Variants in ADAM22 observed in about 807,000 individuals in gnomAD.
ADAM22 encodes the protein ADAM metallopeptidase domain 22, also known as disintegrin and metalloproteinase domain-containing protein 22.
Under a neutral mutation model 144.6 loss-of-function variants are expected in ADAM22, and 65 were observed. The ratio of observed to expected loss-of-function variants is 0.45; its 90% CI spans 0.37 to 0.55. The LOEUF (loss-of-function observed/expected upper bound fraction) is 0.55. Among genes scored for constraint, ADAM22 ranks in the 20% least tolerant of loss-of-function variants. The probability of loss-of-function intolerance (pLI) is 0.00; values close to 1 mark genes in which losing one functional copy is unlikely to be tolerated. For missense variants in ADAM22, 974 were observed against 1,184.9 expected, an observed-to-expected ratio of 0.82 and a Z score of 2.61; for synonymous variants, 391 against 412.6, an observed-to-expected ratio of 0.95 and a Z score of 0.63.
chr7:87,995,259 G>A (rs1790881201), intron 3 of ADAM22, among the ~76,000 whole-genome samples: 1 of 152,194 alleles, frequency 6.6e-6, no homozygotes, highest in South Asian at 2.1e-4. Context: ...GAACACCGTT[G>A]ATTGCTGCTG....
chr7:88,166,049 A>G, intron 24 of ADAM22, 103 bp downstream of exon 24: 1 of 717,424 alleles, frequency 1.4e-6, no homozygotes, highest in East Asian at 3.0e-5. Context: ...TCAGAAATAC[A>G]TTCTCATAAT....
chr7:88,186,602 T>C lies in ADAM22; in HGVS notation c.2664-13T>C. 2 of 1,560,750 alleles carry C rather than the reference T, an allele frequency of 1.3e-6. No homozygotes were observed. Among genetic ancestry groups the C allele is most frequent in the Non-Finnish European group, 1.8e-6 (2 of 1,131,624 alleles). ...TGTTCTGCTTTCTTTGTTCCTTCCA[T>C]TGCTTTCTGCAGGTATTTAAACCCA... On this transcript the variant is annotated splice_polypyrimidine_tract_variant and intron_variant, in intron 29 of 31. Transcript: ENST00000413139.
chr7:87,982,783 C>T (rs557869923), intron 3 of ADAM22, among the ~76,000 whole-genome samples: 7 of 147,816 alleles, frequency 4.7e-5, no homozygotes, highest in Non-Finnish European at 7.4e-5. Context: ...CAATCTCTGC[C>T]TCCTGGGTTC....
intron 3 of ADAM22, among the ~76,000 whole-genome samples, chr7:87,989,584 C>G (rs770550235): frequency 7.9e-5 from 12 of 152,138 alleles, no homozygotes; most frequent in South Asian, 2.1e-4. Flanking sequence ...TTCTTTGCTA[C>G]TATTATTAAC....
At chr7:88,028,824 C>T (rs1329447546) in intron 3 of ADAM22, among the ~76,000 whole-genome samples, 1 of 151,992 alleles carries the variant, frequency 6.6e-6, no homozygotes, top group Admixed American at 6.6e-5. Flanking sequence ...TATAGCTACT[C>T]CTGCTCACTT....
chr7:88,178,270 AT>A (rs1365474281), intron 26 of ADAM22, among the ~76,000 whole-genome samples: 1 of 152,044 alleles, frequency 6.6e-6, no homozygotes, highest in Non-Finnish European at 1.5e-5. Flanking sequence ...AAATTCAGTT[AT>A]TTTTTTCAAC....
chr7:88,184,282 G>A, intron 29 of ADAM22: 1 of 395,496 alleles, frequency 2.5e-6, no homozygotes, highest in South Asian at 1.8e-5. Context: ...TATATATTGT[G>A]TTTTTACAGG....
At chr7:88,029,780 G>T (rs548484798) in intron 3 of ADAM22, among the ~76,000 whole-genome samples, 6 of 151,774 alleles carry the variant, frequency 4.0e-5, no homozygotes, top group Admixed American at 2.0e-4. Flanking sequence ...TTCTTTCAGA[G>T]TTTTAAATAT....
intron 24 of ADAM22, among the ~76,000 whole-genome samples, chr7:88,166,375 T>C (rs1842943592): frequency 6.6e-6 from 1 of 152,186 alleles, no homozygotes; most frequent in African/African-American, 2.4e-5. Context: ...TCAACCCCAG[T>C]TCTGTAGCCT....
intron 3 of ADAM22, among the ~76,000 whole-genome samples, chr7:88,068,382 C>A (rs1044780641): frequency 1.3e-5 from 2 of 152,058 alleles, no homozygotes; most frequent in Non-Finnish European, 2.9e-5. Context: ...AGTTTAAAGA[C>A]CTTATGAAAT....
chr7:88,114,724 C>T (rs1338757284), intron 6 of ADAM22, 77 bp downstream of exon 6: 1 of 1,307,470 alleles, frequency 7.6e-7, no homozygotes, highest in Non-Finnish European at 1.1e-6. Context: ...TTTTTTATCT[C>T]TACTTTATTT....
intron 25 of ADAM22, among the ~76,000 whole-genome samples, chr7:88,170,328 A>G (rs985069829): frequency 1.1e-4 from 17 of 151,980 alleles, no homozygotes; most frequent in African/African-American, 4.1e-4. Flanking sequence ...CATGAATATG[A>G]TGTTTTACTT....
intron 3 of ADAM22, among the ~76,000 whole-genome samples, chr7:88,059,371 T>C (rs1369467140): frequency 2.6e-5 from 4 of 152,172 alleles, no homozygotes; most frequent in Admixed American, 1.3e-4. Flanking sequence ...ATGAATTCAG[T>C]TGAAACAATG....
intron 14 of ADAM22, among the ~76,000 whole-genome samples, chr7:88,140,554 C>G (rs890791554): frequency 6.6e-6 from 1 of 152,184 alleles, no homozygotes; most frequent in Admixed American, 6.5e-5. Flanking sequence ...ACAAACAACT[C>G]TTCACAGGAA....
intron 4 of ADAM22, among the ~76,000 whole-genome samples, chr7:88,096,501 C>G (rs1185266692): frequency 6.6e-6 from 1 of 150,764 alleles, no homozygotes; most frequent in Non-Finnish European, 1.5e-5. Flanking sequence ...TCCACACACA[C>G]ATATATATAT....
intron 4 of ADAM22, among the ~76,000 whole-genome samples, chr7:88,084,986 T>A (rs1327497245): frequency 2.0e-5 from 3 of 152,186 alleles, no homozygotes; most frequent in Non-Finnish European, 4.4e-5. Flanking sequence ...TAATCTCTTC[T>A]TGTGAGAACA....
chr7:88,115,210 C>T (rs952804740), intron 6 of ADAM22, among the ~76,000 whole-genome samples: 4 of 152,140 alleles, frequency 2.6e-5, no homozygotes, highest in Non-Finnish European at 5.9e-5. Flanking sequence ...AATGAGACTC[C>T]GTCTCCAAAA....
At chr7:88,092,285 C>A (rs10234524) in intron 4 of ADAM22, among the ~76,000 whole-genome samples, 2 of 152,152 alleles carry the variant, frequency 1.3e-5, no homozygotes, top group African/African-American at 4.8e-5. Context: ...ACCCATCCCC[C>A]CTACCTCTTT....
chr7:87,958,081 C>T (rs1475843094), intron 2 of ADAM22, among the ~76,000 whole-genome samples: 1 of 152,058 alleles, frequency 6.6e-6, no homozygotes, highest in South Asian at 2.1e-4. Context: ...ATTTTATAAA[C>T]ATCATTTATT....
Sources: gnomAD v4.1 joint callset for allele counts (sites outside exome capture counted in the v4.1 genomes callset) on GRCh38, gnomAD v4.1.1 for gene constraint, MANE v1.5 for transcripts, NCBI Gene and HGNC (gene_info 2026-07-23, HGNC 2026-07-21) for gene names.